ENOSF1: variants seen among roughly 807,000 people sequenced by gnomAD.
The protein encoded by ENOSF1 is enolase superfamily member 1, also known as mitochondrial enolase superfamily member 1.
ENOSF1 carries 73 observed loss-of-function variants against 68.2 expected under a neutral mutation model. The ratio of observed to expected loss-of-function variants is 1.07; its 90% CI spans 0.89 to 1.30. The LOEUF (loss-of-function observed/expected upper bound fraction) is 1.30, where lower values mean the gene tolerates loss of function less well. Among genes scored for constraint, ENOSF1 ranks in the 50% most tolerant of loss-of-function variants. The probability of loss-of-function intolerance (pLI) is 0.00; values close to 1 mark genes in which losing one functional copy is unlikely to be tolerated. For synonymous variants in ENOSF1, 223 were observed against 210.4 expected, an observed-to-expected ratio of 1.06 and a Z score of -0.52; for missense variants, 589 against 554.5, an observed-to-expected ratio of 1.06 and a Z score of -0.62.
intron 2 of ENOSF1, among the ~76,000 whole-genome samples, chr18:700,280 C>T (rs1247573054): frequency 6.6e-6 from 1 of 152,104 alleles, no homozygotes; most frequent in African/African-American, 2.4e-5. Flanking sequence ...TGTGAGAAGA[C>T]AGAGTCCTCC....
chr18:678,383 T>G, intron 12 of ENOSF1: 2 of 445,020 alleles, frequency 4.5e-6, no homozygotes. Context: ...TTTATTCAAT[T>G]TGAAAGCTGG....
chr18:681,863 G>A (rs1354167041), intron 11 of ENOSF1, among the ~76,000 whole-genome samples: 1 of 152,170 alleles, frequency 6.6e-6, no homozygotes, highest in Non-Finnish European at 1.5e-5. Context: ...CTGAAACCCA[G>A]GCTTTGGCAG....
Position 691,270 on chromosome 18 carries a change from T to C in ENOSF1, c.430A>G (p.Arg144Gly), listed in dbSNP as rs761718426. 8.1e-6 allele frequency: 13 copies of C among 1,613,576 alleles called. No homozygotes were observed. ...VWKLLVDMDP[R>G]MLVSCIDFRY... Reference sequence around the variant, plus strand: ...AAATCTATGCAGGATACCAGCATCCTGGGATCCTGGCAACGTGACAGGAGG... The same window carrying C: ...AAATCTATGCAGGATACCAGCATCCCGGGATCCTGGCAACGTGACAGGAGG... The change falls in exon 6 of 16, where the codon AGG becomes GGG. Residue 144 changes from arginine to glycine, a missense_variant. Transcript: ENST00000647584.
At chr18:677,970 T>C in intron 12 of ENOSF1, 98 bp from the exon 13 acceptor site, 1 of 1,404,164 alleles carries the variant, frequency 7.1e-7, no homozygotes, top group East Asian at 2.4e-5. Flanking sequence ...CAATAATTAT[T>C]CATCAGTGGC....
At chr18:675,455 C>T (rs2075395758) in intron 14 of ENOSF1, 53 bp from the exon 15 acceptor site, 8 of 1,477,960 alleles carry the variant, frequency 5.4e-6, no homozygotes, top group East Asian at 2.3e-5. Flanking sequence ...AGATTATTCA[C>T]GTGGTGCTAA....
intron 3 of ENOSF1, 48 bp downstream of exon 3, chr18:697,191 AC>A: frequency 8.1e-7 from 1 of 1,234,784 alleles, no homozygotes; most frequent in Non-Finnish European, 1.2e-6. Context: ...GACATCTCAG[AC>A]CTTGGTAATA....
intron 11 of ENOSF1, among the ~76,000 whole-genome samples, chr18:681,466 A>G (rs1598568945): frequency 1.3e-5 from 2 of 152,358 alleles, no homozygotes; most frequent in South Asian, 4.1e-4. Context: ...GCCAGCTGGC[A>G]TTCAGCAGGG....
At chr18:666,242 G>C (rs942417199), downstream of ENOSF1, among the ~76,000 whole-genome samples, 9 of 151,470 alleles carry the variant, frequency 5.9e-5, no homozygotes, top group Non-Finnish European at 1.0e-4. Flanking sequence ...GTTGGTGTTC[G>C]TGCTGGGGAA....
intron 5 of ENOSF1, chr18:692,432 C>T (rs1340305987): frequency 6.6e-6 from 1 of 152,546 alleles, no homozygotes; most frequent in Non-Finnish European, 1.5e-5. Context: ...CATGGTGAAA[C>T]CCCGTTTTCA....
chr18:691,015 C>G (rs1443572826), intron 7 of ENOSF1, 53 bp downstream of exon 7: 38 of 1,598,954 alleles, frequency 2.4e-5, no homozygotes, highest in Non-Finnish European at 3.3e-5. Context: ...CAGGGGCACT[C>G]AAAAGTGGAC....
intron 13 of ENOSF1, 61 bp from the exon 14 acceptor site, chr18:677,505 G>A (rs2075633852): frequency 1.4e-6 from 2 of 1,477,436 alleles, no homozygotes; most frequent in Non-Finnish European, 1.9e-6. Context: ...AGGGGTGAAA[G>A]GGAACTTTCT....
At chr18:705,784 G>A (rs1219394921) in intron 2 of ENOSF1, among the ~76,000 whole-genome samples, 6 of 152,052 alleles carry the variant, frequency 3.9e-5, no homozygotes, top group East Asian at 1.9e-4. Context: ...TGAGACAGGC[G>A]GATCATTTGA....
In ENOSF1 at chr18:690,609, T is replaced by A; in HGVS notation, c.558A>T (p.Gly186=). Residue 186 remains glycine, a synonymous_variant, in exon 8 of 16, where the codon GGA becomes GGT. Transcript: ENST00000647584. ...KEREKQMLAQ[G]YPAYTTSCAW... ...CGCACGATGTCGTGTAAGCAGGGTA[T>A]CCTTGTGCCAGCATTTGCTTCTCTG... 7.4e-6 allele frequency: 12 copies of A among 1,613,658 alleles called. No homozygotes were observed. The highest frequency in any genetic ancestry group is 9.3e-6 in the Non-Finnish European group (11 of 1,180,036).
chr18:675,007 T>C (rs181855304), intron 15 of ENOSF1, among the ~76,000 whole-genome samples: 650 of 152,322 alleles, frequency 4.3e-3, no homozygotes, highest in Non-Finnish European at 6.6e-3. Flanking sequence ...AGCCACACAA[T>C]TGTAGTCCAA....
rs149440614 is a variant in ENOSF1 at position 677,992 on chromosome 18, C to A, written c.919-120G>T. On this transcript the variant is annotated intron_variant, in intron 12 of 15. Transcript: ENST00000647584. Reference sequence around the variant, plus strand: ...TATTCATCAGTGGCCGTCAGGAAGCCCAGACTGTATTTCTTCTTTGTTCTC... The same window carrying A: ...TATTCATCAGTGGCCGTCAGGAAGCACAGACTGTATTTCTTCTTTGTTCTC... The A allele has an allele frequency of 9.7e-6, 12 of 1,233,682 alleles. No individual in the cohort carries two copies. In the African/African-American group the frequency reaches 1.8e-4, roughly 19 times the overall value. The allele number at this position is 1,233,682 out of a possible 1,614,324, so 76.4% of individuals were successfully genotyped here. A position where few individuals can be genotyped will look rare whatever the true frequency, so the allele number is the denominator to read the frequency against.
At chr18:681,324 C>T (rs1416611094) in intron 11 of ENOSF1, among the ~76,000 whole-genome samples, 1 of 152,194 alleles carries the variant, frequency 6.6e-6, no homozygotes, top group Non-Finnish European at 1.5e-5. Context: ...GACCTGCAGG[C>T]TCTGCAGCTG....
intron 4 of ENOSF1, 37 bp downstream of exon 4, chr18:694,211 T>A: frequency 6.3e-7 from 1 of 1,582,274 alleles, no homozygotes; most frequent in East Asian, 2.2e-5. Flanking sequence ...GTCGTACAGC[T>A]CCCAGGAGCC....
rs1016541075 is a variant in ENOSF1, at chr18:693,880, A to C, written c.423+2T>G. The C allele has an allele frequency of 6.2e-7, 1 of 1,614,098 alleles. No homozygotes were observed. Among genetic ancestry groups the C allele is most frequent in the Non-Finnish European group, 8.5e-7 (1 of 1,179,972 alleles). On this transcript the variant is annotated splice_donor_variant, in intron 5 of 15. Transcript: ENST00000647584. LOFTEE classifies it high-confidence loss of function. ...AATTGTAACATTAACAATGCTACTC[A>C]CCATGTCCACAAGTAACTTCCAGAC...
chr18:687,139 A>G (rs1208084391), intron 9 of ENOSF1: 1 of 152,190 alleles, frequency 6.6e-6, no homozygotes, highest in Non-Finnish European at 1.5e-5. Flanking sequence ...CAAAGCTCAT[A>G]TTATTTCTAC....
Sources: allele counts gnomAD v4.1 joint callset (sites outside exome capture counted in the v4.1 genomes callset), GRCh38; gene constraint gnomAD v4.1.1; transcripts MANE v1.5; gene names NCBI Gene and HGNC (gene_info 2026-07-23, HGNC 2026-07-21).